The following PLCB1 variants were observed in gnomAD, a reference collection of about 807,000 sequenced individuals.
PLCB1 encodes phospholipase C beta 1.
PLCB1 carries 46 observed loss-of-function variants against 161.8 expected under a neutral mutation model. The observed-to-expected ratio is 0.28, with a 90% confidence interval of 0.22 to 0.36. The LOEUF (loss-of-function observed/expected upper bound fraction) is 0.36, where lower values mean the gene tolerates loss of function less well. PLCB1 is among the 10% of genes least tolerant of loss of function. The pLI, the probability that PLCB1 is intolerant of heterozygous loss-of-function variation, is 1.00. For synonymous variants in PLCB1, 517 were observed against 503.7 expected (o/e 1.03, Z -0.35); for missense variants, 1,016 against 1,472.5 (o/e 0.69, Z 5.07).
At chr20:8,441,295 C>T (rs1205064197) in intron 3 of PLCB1, among the ~76,000 whole-genome samples, 2 of 151,960 alleles carry the variant, frequency 1.3e-5, no homozygotes, top group African/African-American at 2.4e-5. Context: ...TTACACTTAC[C>T]GACCATAATA....
chr20:8,146,435 G>A (rs879433275), intron 1 of PLCB1, among the ~76,000 whole-genome samples: 10 of 152,202 alleles, frequency 6.6e-5, no homozygotes, highest in South Asian at 6.2e-4. Flanking sequence ...GAAAAGCCAC[G>A]TGAAGTTCAC....
chr20:8,496,158 G>T (rs1022796681), intron 3 of PLCB1, among the ~76,000 whole-genome samples: 5 of 152,108 alleles, frequency 3.3e-5, no homozygotes, highest in Non-Finnish European at 7.3e-5. Flanking sequence ...AGCAGTGAAG[G>T]TATGTCCCAG....
chr20:8,814,958 C>T (rs1985013520), intron 31 of PLCB1, among the ~76,000 whole-genome samples: 1 of 152,054 alleles, frequency 6.6e-6, no homozygotes, highest in Non-Finnish European at 1.5e-5. Flanking sequence ...AAACAGATTC[C>T]CCAATGAGCA....
intron 2 of PLCB1, among the ~76,000 whole-genome samples, chr20:8,355,594 G>A (rs890546586): frequency 2.0e-5 from 3 of 152,150 alleles, no homozygotes; most frequent in Non-Finnish European, 4.4e-5. Context: ...GTGAAATGTG[G>A]CTGTATTCAG....
intron 3 of PLCB1, among the ~76,000 whole-genome samples, chr20:8,438,382 G>A (rs778216952): frequency 3.9e-5 from 6 of 152,012 alleles, no homozygotes; most frequent in Admixed American, 6.6e-5. Context: ...TAGACATAGC[G>A]CAAAACCCAG....
intron 3 of PLCB1, among the ~76,000 whole-genome samples, chr20:8,504,991 A>G (rs1983577241): frequency 6.6e-6 from 1 of 152,118 alleles, no homozygotes; most frequent in Admixed American, 6.6e-5. Flanking sequence ...CTCAACCTCT[A>G]GAGTAGCTAG....
chr20:8,257,602 T>A (rs747267689), intron 2 of PLCB1, among the ~76,000 whole-genome samples: 4 of 152,152 alleles, frequency 2.6e-5, no homozygotes, highest in Non-Finnish European at 5.9e-5. Flanking sequence ...AGAACAGGGA[T>A]AATAATGGTT....
intron 2 of PLCB1, among the ~76,000 whole-genome samples, chr20:8,352,608 T>C (rs1986216876): frequency 6.6e-6 from 1 of 152,044 alleles, no homozygotes; most frequent in Non-Finnish European, 1.5e-5. Context: ...ATCTATATTA[T>C]AAATATAGAC....
intron 2 of PLCB1, among the ~76,000 whole-genome samples, chr20:8,171,085 T>A (rs2051728100): frequency 6.6e-6 from 1 of 152,220 alleles, no homozygotes; most frequent in South Asian, 2.1e-4. Context: ...TCCCCCTTCT[T>A]ACCTCTGATT....
intron 3 of PLCB1, among the ~76,000 whole-genome samples, chr20:8,625,906 A>C (rs6140656): frequency 0.035 from 5,332 of 152,166 alleles, 180 homozygotes; most frequent in East Asian, 0.16. Context: ...TCTTTTAAAA[A>C]ATATAAAACA....
rs185175273 is a variant in PLCB1 at position 8,786,608 on chromosome 20, G to A, written c.3112-1841G>A. Among the ~76,000 whole-genome samples the A allele has an allele frequency of 2.8e-3, 425 of 152,122 alleles. 3 individuals carry two copies. Among genetic ancestry groups the A allele is most frequent in the African/African-American group, 9.6e-3 (397 of 41,486 alleles). The stretch of plus-strand genomic sequence containing the variant: ...CAGGACTTGAGCCAGATGTGTCAGC[G>A]TGTTCTTATGTAAAACAAAAATAAT... On this transcript the variant is annotated intron_variant, in intron 27 of 31. Transcript: ENST00000338037.
At chr20:8,603,991 G>A (rs761321600) in intron 3 of PLCB1, among the ~76,000 whole-genome samples, 1 of 152,086 alleles carries the variant, frequency 6.6e-6, no homozygotes, top group Non-Finnish European at 1.5e-5. Flanking sequence ...GGTGGCTCAC[G>A]CCTGTGATCC....
intron 3 of PLCB1, among the ~76,000 whole-genome samples, chr20:8,400,985 T>A (rs1035737206): frequency 1.3e-5 from 2 of 152,222 alleles, no homozygotes; most frequent in Non-Finnish European, 2.9e-5. Flanking sequence ...ATTATATAAA[T>A]TAATCAATTA....
chr20:8,716,343 T>A lies in PLCB1; in HGVS notation c.1330T>A (p.Tyr444Asn), dbSNP rs1979309267. 1 of 1,611,134 alleles carries A rather than the reference T, an allele frequency of 6.2e-7. No individual in the cohort carries two copies. The highest frequency in any genetic ancestry group is 1.3e-5 in the African/African-American group (1 of 74,840). ...CCTTCTCATGGAGCCCCTGGAAAAA[T>A]ATCCAGTAAGCAGTTCTGATGTTTG... is the stretch of plus-strand genomic sequence containing the variant. ...DALLMEPLEK[Y>N]PLESGVPLPS... Residue 444 changes from tyrosine to asparagine, a missense_variant, in exon 13 of 32, where the codon TAT (tyrosine) becomes AAT (asparagine). By Grantham distance (143) the Tyr-to-Asn change is moderately radical. Coordinates refer to ENST00000338037, the MANE Select transcript of PLCB1 (RefSeq NM_015192.4).
intron 31 of PLCB1, among the ~76,000 whole-genome samples, chr20:8,817,246 G>A (rs970314264): frequency 1.3e-5 from 2 of 152,184 alleles, no homozygotes; most frequent in African/African-American, 4.8e-5. Context: ...AGTAGAGAAC[G>A]CTCAGAGGAC....
intron 2 of PLCB1, among the ~76,000 whole-genome samples, chr20:8,158,361 T>C (rs992700466): frequency 2.0e-5 from 3 of 152,168 alleles, no homozygotes; most frequent in African/African-American, 7.2e-5. Context: ...GGAGACATTA[T>C]TGTATTAGTC....
At chr20:8,496,042 C>CT (rs1242059903) in intron 3 of PLCB1, among the ~76,000 whole-genome samples, 1 of 152,172 alleles carries the variant, frequency 6.6e-6, no homozygotes, top group Non-Finnish European at 1.5e-5. Context: ...ATAGACATTG[C>CT]TTTTTTCTTT....
At chr20:8,653,318 A>G (rs1192071006) in intron 7 of PLCB1, 1 of 152,094 alleles carries the variant, frequency 6.6e-6, no homozygotes, top group East Asian at 1.9e-4. Context: ...ACTTATTAGT[A>G]TGTTGCCTTT....
chr20:8,753,300 A>G (rs533928129), intron 23 of PLCB1, among the ~76,000 whole-genome samples: 1 of 152,242 alleles, frequency 6.6e-6, no homozygotes, highest in African/African-American at 2.4e-5. Context: ...TCATACTGAA[A>G]CCATCCCCTC....
Sources: allele counts gnomAD v4.1 joint callset (sites outside exome capture counted in the v4.1 genomes callset), GRCh38; gene constraint gnomAD v4.1.1; transcripts MANE v1.5; gene names NCBI Gene and HGNC (gene_info 2026-07-23, HGNC 2026-07-21).